FMN1: variants seen among roughly 807,000 people sequenced by gnomAD.
FMN1 encodes formin-1.
FMN1 carries 110 observed loss-of-function variants against 132.4 expected under a neutral mutation model. That is an observed-to-expected ratio of 0.83 (90% CI 0.71 to 0.97). The LOEUF (loss-of-function observed/expected upper bound fraction) is 0.97. Among genes scored for constraint, FMN1 ranks in the 50% least tolerant of loss-of-function variants. The probability of loss-of-function intolerance (pLI) is 0.00; values close to 1 mark genes in which losing one functional copy is unlikely to be tolerated. For missense variants in FMN1, 1,792 were observed against 1,705.3 expected (o/e 1.05, Z -0.90); for synonymous variants, 722 against 651.7 (o/e 1.11, Z -1.64).
chr15:32,874,872 A>T (rs1367125286), intron 16 of FMN1, among the ~76,000 whole-genome samples: 1 of 152,236 alleles, frequency 6.6e-6, no homozygotes, highest in Non-Finnish European at 1.5e-5. Context: ...AGATTTGATG[A>T]CACTTTTTAA....
chr15:33,015,608 T>C (rs2034996712), intron 6 of FMN1, among the ~76,000 whole-genome samples: 1 of 152,198 alleles, frequency 6.6e-6, no homozygotes, highest in Non-Finnish European at 1.5e-5. Context: ...AACATGGATC[T>C]ACTCCTACCC....
In FMN1 at chr15:32,945,700, G is replaced by A. The variant is rs1412803630; in HGVS notation, c.3138+18407C>T. Among the ~76,000 whole-genome samples the A allele has an allele frequency of 2.6e-5, 4 of 152,096 alleles. 1 individual carries two copies. Among genetic ancestry groups the A allele is most frequent in the East Asian group, 3.9e-4 (2 of 5,190 alleles). On this transcript the variant is annotated intron_variant, in intron 9 of 20. Transcript: ENST00000616417. ...ATTCAAGATATCAGAAATGATGGAT[G>A]GCCTTTGATTTAGAGGGTATCCACG...
rs1364234937 is a variant in FMN1, at chr15:32,767,673, GAAGAT to G, written c.*6632_*6636del. ...CTTTTTATTAATGCATACTCTCTTT[GAAGAT>G]AAGACATCTAGCTGACAGTAGGGTC... On this transcript the variant is annotated 3_prime_UTR_variant, in exon 21 of 21. Coordinates refer to ENST00000616417, the MANE Select transcript of FMN1 (RefSeq NM_001277313.2). 6.6e-6 allele frequency: 1 copy of G among 152,122 alleles called. No homozygotes were observed. Among genetic ancestry groups the G allele is most frequent in the African/African-American group, 2.4e-5 (1 of 41,422 alleles). 9.4% of individuals were successfully genotyped at this position (152,122 alleles called of 1,614,324 possible). A position where few individuals can be genotyped will look rare whatever the true frequency, so the allele number is the denominator to read the frequency against.
In FMN1 at chr15:32,803,556, T is replaced by G. The variant is rs555152987; in HGVS notation, c.3980+725A>C. Among the ~76,000 whole-genome samples, 3 of 152,284 alleles carry G rather than the reference T, an allele frequency of 2.0e-5. No homozygotes were observed. In the East Asian group the frequency reaches 5.8e-4, roughly 29 times the overall value. On this transcript the variant is annotated intron_variant, in intron 18 of 20. Transcript: ENST00000616417. The stretch of plus-strand genomic sequence containing the variant: ...GATCTCTGAGGTGTTCCCCAACTTC[T>G]GGGGGAAATTGTCCATACGCTGTAT...
chr15:32,820,153 T>C (rs1043052000), intron 17 of FMN1, among the ~76,000 whole-genome samples: 1 of 152,150 alleles, frequency 6.6e-6, no homozygotes, highest in Admixed American at 6.5e-5. Context: ...ACTCCCTGTA[T>C]TGTAAAAAGT....
At chr15:33,170,792 T>C (rs1965290641) in intron 3 of FMN1, among the ~76,000 whole-genome samples, 1 of 152,058 alleles carries the variant, frequency 6.6e-6, no homozygotes, top group South Asian at 2.1e-4. Context: ...TTGGTGGAAA[T>C]GCAAATTAGT....
intron 16 of FMN1, among the ~76,000 whole-genome samples, chr15:32,864,359 A>G (rs189167696): frequency 3.9e-5 from 6 of 152,326 alleles, no homozygotes; most frequent in Admixed American, 3.3e-4. Context: ...AGACACCGAC[A>G]TAAGTTAGAT....
chr15:33,094,646 G>C (rs866960179), intron 4 of FMN1, among the ~76,000 whole-genome samples: 3 of 152,136 alleles, frequency 2.0e-5, no homozygotes, highest in African/African-American at 7.2e-5. Flanking sequence ...TAGGAGCCTA[G>C]AGCCATGAAT....
chr15:33,069,947 G>GTAGAAAGAA (rs1318154141), intron 5 of FMN1, among the ~76,000 whole-genome samples: 1 of 134,890 alleles, frequency 7.4e-6, no homozygotes, highest in Admixed American at 7.7e-5. Flanking sequence ...CTTCAAGATT[G>GTAGAAAGAA]TAGAAAGAAG....
intron 4 of FMN1, among the ~76,000 whole-genome samples, chr15:33,119,223 G>A (rs937185514): frequency 5.9e-5 from 9 of 152,272 alleles, no homozygotes; most frequent in Middle Eastern, 6.8e-3. Flanking sequence ...GCAACCCAGA[G>A]AACAGGCTTC....
chr15:33,080,890 A>G (rs1003605359), intron 5 of FMN1, among the ~76,000 whole-genome samples: 1 of 151,824 alleles, frequency 6.6e-6, no homozygotes, highest in Non-Finnish European at 1.5e-5. Context: ...TCCGTCTCAA[A>G]AAAAAAAAAA....
At chr15:32,919,762 A>G (rs1429755202) in intron 10 of FMN1, among the ~76,000 whole-genome samples, 2 of 152,204 alleles carry the variant, frequency 1.3e-5, no homozygotes, top group South Asian at 2.1e-4. Flanking sequence ...AAAGTCCTAG[A>G]TAAGTTATGT....
chr15:32,819,257 C>T (rs574089299), intron 17 of FMN1, among the ~76,000 whole-genome samples: 11 of 152,292 alleles, frequency 7.2e-5, no homozygotes, highest in Non-Finnish European at 1.5e-4. Context: ...GGACATACGG[C>T]TCTCTTATTT....
chr15:33,153,634 A>G lies in FMN1; in HGVS notation c.1281T>C (p.Ser427=). The G allele has an allele frequency of 6.5e-7, 1 of 1,535,454 alleles. No homozygotes were observed. The highest frequency in any genetic ancestry group is 2.4e-5 in the East Asian group (1 of 40,832). Residue 427 remains serine, a synonymous_variant, in exon 4 of 21, where the codon AGT becomes AGC. Coordinates refer to ENST00000616417, the MANE Select transcript of FMN1 (RefSeq NM_001277313.2). ...VNKVPLKVIE[S]EKLDEAPEGK... is the part of the protein sequence containing the mutation. ...CCTCAGGGGCTTCATCTAACTTCTCACTCTCTATCACCTTCAGGGGGACCT... is the reference window on the plus strand; with the variant it reads ...CCTCAGGGGCTTCATCTAACTTCTCGCTCTCTATCACCTTCAGGGGGACCT...
intron 19 of FMN1, among the ~76,000 whole-genome samples, chr15:32,784,808 C>A (rs2056795782): frequency 6.6e-6 from 1 of 152,126 alleles, no homozygotes. Context: ...GCAGAGATTG[C>A]CTCACATTTC....
chr15:33,056,956 A>G (rs968562067), intron 6 of FMN1, among the ~76,000 whole-genome samples: 2 of 152,176 alleles, frequency 1.3e-5, no homozygotes, highest in African/African-American at 4.8e-5. Context: ...GCAGGCGATC[A>G]CTGGAGGTCA....
At chr15:33,094,249 A>G (rs1321520169) in intron 4 of FMN1, among the ~76,000 whole-genome samples, 1 of 152,168 alleles carries the variant, frequency 6.6e-6, no homozygotes, top group Non-Finnish European at 1.5e-5. Flanking sequence ...TAATAAGAAT[A>G]TGTCTGATAT....
chr15:32,932,585 A>G (rs1235950364), intron 9 of FMN1, among the ~76,000 whole-genome samples: 1 of 152,188 alleles, frequency 6.6e-6, no homozygotes, highest in Non-Finnish European at 1.5e-5. Flanking sequence ...CCTGTTAATT[A>G]TTCTTTAAAT....
chr15:32,796,528 G>A (rs950973306), intron 19 of FMN1, among the ~76,000 whole-genome samples: 1 of 152,028 alleles, frequency 6.6e-6, no homozygotes. Context: ...GGATATATTC[G>A]GTTTCTGGGG....
Sources: gnomAD v4.1 joint callset for allele counts (sites outside exome capture counted in the v4.1 genomes callset) on GRCh38, gnomAD v4.1.1 for gene constraint, MANE v1.5 for transcripts, NCBI Gene and HGNC (gene_info 2026-07-23, HGNC 2026-07-21) for gene names.